SRPRA: variants seen among roughly 807,000 people sequenced by gnomAD.
SRPRA encodes signal recognition particle receptor subunit alpha.
SRPRA carries 30 observed loss-of-function variants against 61.1 expected under a neutral mutation model. The ratio of observed to expected loss-of-function variants is 0.49; its 90% CI spans 0.37 to 0.67. The LOEUF is 0.67. Ranked by LOEUF, SRPRA falls within the 30% of genes least tolerant of loss-of-function variation. The pLI is 0.00. For missense variants in SRPRA, 759 were observed against 828.4 expected (o/e 0.92, Z 1.03); for synonymous variants, 324 against 299.7 (o/e 1.08, Z -0.84).
the SRPRA span, among the ~76,000 whole-genome samples, chr11:126,247,913 A>G: frequency 6.8e-6 from 1 of 147,014 alleles, no homozygotes; most frequent in East Asian, 2.0e-4. Context: ...GTATATCTAT[A>G]TAGATACGTA....
downstream of SRPRA, chr11:126,260,259 C>T (rs1950660773): frequency 6.6e-6 from 1 of 152,104 alleles, no homozygotes; most frequent in African/African-American, 2.4e-5. Context: ...TCTCAGTCTC[C>T]TAAGTGCAAG....
chr11:126,265,927 C>T lies in SRPRA; in HGVS notation c.1051+36G>A. The T allele has an allele frequency of 6.2e-7, 1 of 1,611,634 alleles. No homozygotes were observed. The highest frequency in any genetic ancestry group is 8.5e-7 in the Non-Finnish European group (1 of 1,177,732). ...GATTCTGCTCTCAACTACCCCTATCCCGCGAGTATGAGTCAGCCCGGTCCT... is the reference window on the plus strand; with the variant it reads ...GATTCTGCTCTCAACTACCCCTATCTCGCGAGTATGAGTCAGCCCGGTCCT... On this transcript the variant is annotated intron_variant, in intron 8 of 13. Transcript: ENST00000332118. This position sits in a 1 kb window ranked among gnomAD's most constrained non-coding sequence, Gnocchi z 6.3.
rs1950813325 is a variant in SRPRA, at chr11:126,266,538, C to G, written c.778G>C (p.Asp260His). 1 of 1,614,074 alleles carries G rather than the reference C, an allele frequency of 6.2e-7. No individual in the cohort carries two copies. The highest frequency in any genetic ancestry group is 1.7e-5 in the Admixed American group (1 of 60,010). ...LGGCANKEVL[D>H]YSTPTTNGTP... ...CCATTGGTGGTGGGAGTACTGTAAT[C>G]CAACACTTCTTTGTTAGCACAGCCA... is the stretch of plus-strand genomic sequence containing the variant. The change falls in exon 6 of 14, where the codon GAT (aspartate) becomes CAT (histidine). Residue 260 changes from aspartate (D) to histidine (H), a missense_variant. Coordinates refer to ENST00000332118, the MANE Select transcript of SRPRA (RefSeq NM_003139.4).
intron 1 of SRPRA, 90 bp downstream of exon 1, chr11:126,268,598 G>C: frequency 9.4e-7 from 1 of 1,069,302 alleles, no homozygotes; most frequent in Non-Finnish European, 1.4e-6. Flanking sequence ...GGGCGGGGAG[G>C]GTGGGAGGAG....
At position 126,263,683 on chromosome 11, in the gene SRPRA, G is replaced by C. The variant is rs371708554; in HGVS notation, c.*233C>G. 129 of 540,382 alleles carry C rather than the reference G, an allele frequency of 2.4e-4. No individual in the cohort carries two copies. The highest frequency in any genetic ancestry group is 3.4e-4 in the Non-Finnish European group (105 of 307,912). 33.5% of individuals were successfully genotyped at this position (540,382 alleles called of 1,614,324 possible). On this transcript the variant is annotated 3_prime_UTR_variant, in exon 14 of 14. Transcript: ENST00000332118. ...GTGAAGGGGGTGCCTGAGTAGGAAGGGGGAGGCCCGCTGGGAGAGGGTCAG... is the reference window on the plus strand; with the variant it reads ...GTGAAGGGGGTGCCTGAGTAGGAAGCGGGAGGCCCGCTGGGAGAGGGTCAG...
the SRPRA span, among the ~76,000 whole-genome samples, chr11:126,244,422 T>C: frequency 7.2e-5 from 11 of 152,240 alleles, no homozygotes; most frequent in African/African-American, 2.7e-4. The surrounding 1 kb of genome is among the most constrained non-coding windows in gnomAD (Gnocchi z 4.5). Flanking sequence ...TTTTATACAC[T>C]TGCAGTGAAC....
At chr11:126,249,731 CAAAA>C in the SRPRA span, among the ~76,000 whole-genome samples, 725 of 78,958 alleles carry the variant, frequency 9.2e-3, 3 homozygotes, top group Middle Eastern at 0.036. Context: ...GACTCCGTCT[CAAAA>C]AAAAAAAAAA....
rs1950828198 is a variant in SRPRA, at chr11:126,267,190, CCTT to C, written c.508_510del (p.Lys170del). ...TCAAACTTGCCTTCCTTCTTGGCCC[CCTT>C]TTTTTTGCTATTCTTTGCTTTTTCC... On this transcript the variant is annotated inframe_deletion, in exon 4 of 14. Transcript: ENST00000332118. This position sits in a 1 kb window ranked among gnomAD's most constrained non-coding sequence, Gnocchi z 4.2. The C allele has an allele frequency of 6.2e-7, 1 of 1,614,002 alleles. No individual in the cohort carries two copies. The highest frequency in any genetic ancestry group is 1.3e-5 in the African/African-American group (1 of 74,900).
chr11:126,266,656 TA>T, intron 5 of SRPRA, 27 bp from the exon 6 acceptor site: 2 of 1,611,342 alleles, frequency 1.2e-6, no homozygotes, highest in Non-Finnish European at 8.5e-7. Context: ...TACAAAGAGT[TA>T]TGGTGGAGAA....
chr11:126,249,374 C>T, the SRPRA span, among the ~76,000 whole-genome samples: 1 of 152,106 alleles, frequency 6.6e-6, no homozygotes, highest in Non-Finnish European at 1.5e-5. Flanking sequence ...TGAATTATGG[C>T]ATGTAGAAGT....
chr11:126,244,322 T>TA, the SRPRA span, among the ~76,000 whole-genome samples: 6 of 152,208 alleles, frequency 3.9e-5, no homozygotes, highest in African/African-American at 1.4e-4. The surrounding 1 kb of genome is among the most constrained non-coding windows in gnomAD (Gnocchi z 4.5). Flanking sequence ...TGTGATGATC[T>TA]AGTCTATAGA....
chr11:126,240,060 G>A, the SRPRA span, among the ~76,000 whole-genome samples: 3 of 152,248 alleles, frequency 2.0e-5, no homozygotes, highest in African/African-American at 7.2e-5. Context: ...TTCAAGCAGG[G>A]ATAGTCTCCA....
At chr11:126,262,079 T>C, downstream of SRPRA, 1 of 1,612,804 alleles carries the variant, frequency 6.2e-7, no homozygotes, top group Non-Finnish European at 8.5e-7. Context: ...TAAACCTGTT[T>C]TGTGAAACTT....
chr11:126,253,669 T>G, the SRPRA span, among the ~76,000 whole-genome samples: 36 of 152,302 alleles, frequency 2.4e-4, no homozygotes, highest in Non-Finnish European at 4.6e-4. The surrounding 1 kb of genome is among the most constrained non-coding windows in gnomAD (Gnocchi z 5.1). Context: ...TTGCACCCTC[T>G]TCACATACCT....
the SRPRA span, among the ~76,000 whole-genome samples, chr11:126,246,831 G>T: frequency 6.6e-6 from 1 of 152,116 alleles, no homozygotes; most frequent in Non-Finnish European, 1.5e-5. Context: ...AAGTTGTGTG[G>T]GAGTTTGGCA....
rs774904759 is a variant in SRPRA, at chr11:126,264,347, T to C, written c.1689+29A>G. On this transcript the variant is annotated intron_variant, in intron 12 of 13. Coordinates refer to ENST00000332118, the MANE Select transcript of SRPRA (RefSeq NM_003139.4). The surrounding 1 kb of genome is among the most constrained non-coding windows in gnomAD (Gnocchi z 5.0). ...CATCTAAATTGACCAAAGCTCAAGT[T>C]GTAAAGGGAACTGGGCCCACGCTCT... 1.9e-6 allele frequency: 3 copies of C among 1,613,810 alleles called. No individual in the cohort carries two copies. Among genetic ancestry groups the C allele is most frequent in the Non-Finnish European group, 2.5e-6 (3 of 1,179,724 alleles).
At chr11:126,248,564 G>T in the SRPRA span, among the ~76,000 whole-genome samples, 2 of 151,780 alleles carry the variant, frequency 1.3e-5, no homozygotes, top group Non-Finnish European at 1.5e-5. Flanking sequence ...GAGAGATGGG[G>T]TTTCACCATG....
At chr11:126,255,038 TTTA>T in the SRPRA span, among the ~76,000 whole-genome samples, 3 of 152,204 alleles carry the variant, frequency 2.0e-5, no homozygotes, top group African/African-American at 7.2e-5. This position sits in a 1 kb window ranked among gnomAD's most constrained non-coding sequence, Gnocchi z 4.6. Flanking sequence ...CATCATTTGG[TTTA>T]TTAATAGCCC....
At chr11:126,243,856 A>G in the SRPRA span, among the ~76,000 whole-genome samples, 1 of 151,340 alleles carries the variant, frequency 6.6e-6, no homozygotes, top group Non-Finnish European at 1.5e-5. Flanking sequence ...GTGAGCCAAG[A>G]TCGCACCACT....
Sources: allele counts gnomAD v4.1 joint callset (sites outside exome capture counted in the v4.1 genomes callset), GRCh38; gene constraint gnomAD v4.1.1; non-coding constraint Gnocchi (gnomAD v3.1); transcripts MANE v1.5; gene names NCBI Gene and HGNC (gene_info 2026-07-23, HGNC 2026-07-21).